Variants in SHROOM4 observed in about 807,000 individuals in gnomAD.
SHROOM4 encodes the protein protein Shroom4.
SHROOM4 carries 17 observed loss-of-function variants against 80.3 expected under a neutral mutation model. The ratio of observed to expected loss-of-function variants is 0.21; its 90% CI spans 0.14 to 0.32. The LOEUF (loss-of-function observed/expected upper bound fraction) is 0.32, where lower values mean the gene tolerates loss of function less well. SHROOM4 is among the 10% of genes least tolerant of loss of function. The probability of loss-of-function intolerance (pLI) is 1.00; values close to 1 mark genes in which losing one functional copy is unlikely to be tolerated. For missense variants in SHROOM4, 993 were observed against 1,140.3 expected (o/e 0.87, Z 1.86); for synonymous variants, 400 against 437.5 (o/e 0.91, Z 1.07).
chrX:50,682,102 T>A (rs1446571321), intron 2 of SHROOM4, among the ~76,000 whole-genome samples: 2 of 112,321 alleles, frequency 1.8e-5, no homozygotes, highest in Non-Finnish European at 3.8e-5. Context: ...ATTCCACATG[T>A]CTAAAACTAG....
At chrX:50,643,920 G>T (rs1931721164) in intron 2 of SHROOM4, among the ~76,000 whole-genome samples, 1 of 112,926 alleles carries the variant, frequency 8.9e-6, no homozygotes, top group Non-Finnish European at 1.9e-5. Context: ...ACACTTAAAA[G>T]AATTCCTGTG....
rs34184946 is a variant in SHROOM4 at position 50,812,317 on chromosome X, T to TAA, written c.117+1583_117+1584dup. ...CACCAAAGGAGTTGAGTGTTTTTGT[T>TAA]AAAAAAAAAAAAAAAAAAAAAAAGC... On this transcript the variant is annotated intron_variant, in intron 1 of 8. Transcript: ENST00000376020. Among the ~76,000 whole-genome samples, 625 of 66,736 alleles carry TAA rather than the reference T, an allele frequency of 9.4e-3. 3 individuals are homozygous for TAA. Among genetic ancestry groups the TAA allele is most frequent in the Non-Finnish European group, 0.012 (434 of 37,260 alleles). The allele number at this position is 66,736 out of a possible 115,157, so 58.0% of individuals were successfully genotyped here.
chrX:50,786,983 G>A lies in SHROOM4; in HGVS notation c.117+26919C>T, dbSNP rs1557271122. The stretch of plus-strand genomic sequence containing the variant: ...TGTAATCCCAGCACTTTGGGAGGCT[G>A]AGGCAGGAGGATTGCTTGAGGCTAG... On this transcript the variant is annotated intron_variant, in intron 1 of 8. Coordinates refer to ENST00000376020, the MANE Select transcript of SHROOM4 (RefSeq NM_020717.5). Among the ~76,000 whole-genome samples the A allele has an allele frequency of 2.7e-5, 3 of 111,279 alleles. No homozygotes were observed. In the Admixed American group the frequency reaches 2.9e-4, roughly 11 times the overall value.
chrX:50,636,376 T>C (rs1931358254), intron 3 of SHROOM4, among the ~76,000 whole-genome samples: 1 of 111,427 alleles, frequency 9.0e-6, no homozygotes, highest in Admixed American at 9.5e-5. Context: ...GACAGGGCTG[T>C]AATTCAGGTG....
rs1457059941 is a variant in SHROOM4, at chrX:50,698,802, AAAGG to A, written c.118-2869_118-2866del. Among the ~76,000 whole-genome samples, 9 of 111,347 alleles carry A rather than the reference AAAGG, an allele frequency of 8.1e-5. No individual in the cohort carries two copies. The South Asian group carries it at 1.6e-3, about 19-fold the overall frequency. ...TCATGTTTCTATCAATAAAAAAAGG[AAAGG>A]AAGGAAGGAAGGAAAAATGAATGAG... On this transcript the variant is annotated intron_variant, in intron 1 of 8. Transcript: ENST00000376020.
chrX:50,626,579 T>G (rs1371764229), intron 5 of SHROOM4, among the ~76,000 whole-genome samples: 3 of 111,592 alleles, frequency 2.7e-5, no homozygotes. Context: ...TTGCAGGTTT[T>G]GAGCTCCACT....
intron 2 of SHROOM4, among the ~76,000 whole-genome samples, chrX:50,670,904 T>A (rs1932791599): frequency 8.9e-6 from 1 of 112,107 alleles, no homozygotes; most frequent in Non-Finnish European, 1.9e-5. Context: ...CACATAAATG[T>A]CTTCTTTTGA....
chrX:50,661,413 G>C (rs1557259963), intron 2 of SHROOM4, among the ~76,000 whole-genome samples: 1 of 111,300 alleles, frequency 9.0e-6, no homozygotes, highest in African/African-American at 3.3e-5. Context: ...GCCTAGGCTG[G>C]TCTCGAATTC....
chrX:50,725,011 G>A (rs1211716077), intron 1 of SHROOM4, among the ~76,000 whole-genome samples: 1 of 112,105 alleles, frequency 8.9e-6, no homozygotes, highest in African/African-American at 3.2e-5. Flanking sequence ...GTTTATTCAA[G>A]TAAACTTAGT....
chrX:50,805,329 G>A (rs1046425482), intron 1 of SHROOM4, among the ~76,000 whole-genome samples: 1 of 111,391 alleles, frequency 9.0e-6, no homozygotes, highest in Non-Finnish European at 1.9e-5. Context: ...GAGAACCATT[G>A]AAAACTTCCC....
chrX:50,682,722 T>C (rs1267219196), intron 2 of SHROOM4, among the ~76,000 whole-genome samples: 1 of 111,719 alleles, frequency 9.0e-6, no homozygotes, highest in African/African-American at 3.3e-5. Flanking sequence ...AGTCATCATT[T>C]TGGGAAGAAG....
At chrX:50,664,746 A>G (rs782478091) in intron 2 of SHROOM4, among the ~76,000 whole-genome samples, 45 of 112,138 alleles carry the variant, frequency 4.0e-4, no homozygotes, top group African/African-American at 1.4e-3. Flanking sequence ...ATATTTCCCT[A>G]TTAAAGATGC....
At chrX:50,617,622 T>TCC (rs58839497) in intron 5 of SHROOM4, among the ~76,000 whole-genome samples, 5 of 63,322 alleles carry the variant, frequency 7.9e-5, no homozygotes, top group African/African-American at 1.6e-4. Flanking sequence ...CTTAAAAAAA[T>TCC]CCCCCCCCCC....
At chrX:50,704,130 C>T (rs1184273662) in intron 1 of SHROOM4, among the ~76,000 whole-genome samples, 2 of 111,974 alleles carry the variant, frequency 1.8e-5, no homozygotes, top group Non-Finnish European at 3.8e-5. Flanking sequence ...TAAGAGAGCA[C>T]TGTGTACAAA....
At chrX:50,801,734 C>T (rs1936127157) in intron 1 of SHROOM4, among the ~76,000 whole-genome samples, 2 of 111,828 alleles carry the variant, frequency 1.8e-5, no homozygotes, top group South Asian at 7.6e-4. Context: ...GGGAAGTTAG[C>T]AAGCAGGCGC....
At chrX:50,645,188 C>T (rs1931779874) in intron 2 of SHROOM4, among the ~76,000 whole-genome samples, 1 of 111,649 alleles carries the variant, frequency 9.0e-6, no homozygotes, top group African/African-American at 3.3e-5. Flanking sequence ...TTAATAAGCT[C>T]CAGAGTGATA....
intron 2 of SHROOM4, among the ~76,000 whole-genome samples, chrX:50,660,119 G>C (rs782458913): frequency 1.3e-4 from 14 of 111,673 alleles, no homozygotes; most frequent in Non-Finnish European, 2.4e-4. Flanking sequence ...TGGAACTATA[G>C]GTCAAAAAGT....
intron 1 of SHROOM4, among the ~76,000 whole-genome samples, chrX:50,789,668 G>A (rs534906584): frequency 8.9e-6 from 1 of 111,863 alleles, no homozygotes; most frequent in African/African-American, 3.2e-5. Context: ...AAACAATACA[G>A]AATAGAAAAA....
intron 5 of SHROOM4, among the ~76,000 whole-genome samples, chrX:50,618,738 T>C (rs1363615376): frequency 2.7e-5 from 3 of 111,692 alleles, no homozygotes; most frequent in Non-Finnish European, 3.8e-5. Context: ...CTTTCACGTA[T>C]GTATTTCCAT....
Sources: allele counts gnomAD v4.1 joint callset (sites outside exome capture counted in the v4.1 genomes callset), GRCh38; gene constraint gnomAD v4.1.1; transcripts MANE v1.5; gene names NCBI Gene and HGNC (gene_info 2026-07-23, HGNC 2026-07-21).